The following DEPDC5 variants were observed in gnomAD, a reference collection of about 807,000 sequenced individuals.
DEPDC5 encodes DEP domain containing 5, GATOR1 subcomplex subunit.
Under a neutral mutation model 217.3 loss-of-function variants are expected in DEPDC5, and 73 were observed. That is an observed-to-expected ratio of 0.34 (90% confidence interval 0.28 to 0.41). The LOEUF (loss-of-function observed/expected upper bound fraction) is 0.41. Ranked by LOEUF, DEPDC5 falls within the 10% of genes least tolerant of loss-of-function variation. The pLI is 1.00. For missense variants in DEPDC5, 1,675 were observed against 2,070.1 expected (o/e 0.81, Z 3.70); for synonymous variants, 733 against 756.7 (o/e 0.97, Z 0.51).
At chr22:31,841,260 G>A (rs934069472) in intron 27 of DEPDC5, among the ~76,000 whole-genome samples, 3 of 152,222 alleles carry the variant, frequency 2.0e-5, no homozygotes, top group African/African-American at 7.2e-5. Context: ...CACCATCGGG[G>A]AAATTTCCAC....
intron 29 of DEPDC5, 71 bp downstream of exon 29, chr22:31,843,883 TTC>T: frequency 1.4e-6 from 2 of 1,432,690 alleles, no homozygotes; most frequent in Non-Finnish European, 1.9e-6. Flanking sequence ...TTTTAACACT[TTC>T]TGCCCTTTCT....
intron 22 of DEPDC5, 72 bp downstream of exon 22, chr22:31,819,297 T>C: frequency 2.6e-6 from 4 of 1,545,946 alleles, no homozygotes; most frequent in Non-Finnish European, 3.5e-6. Flanking sequence ...CGGTCACCCA[T>C]GTGTCCTTGG....
At chr22:31,771,813 AAT>A (rs1163106791) in intron 7 of DEPDC5, among the ~76,000 whole-genome samples, 2 of 148,742 alleles carry the variant, frequency 1.3e-5, no homozygotes, top group Non-Finnish European at 3.0e-5. Context: ...TCATGCCTCT[AAT>A]CCCAGCACTT....
rs533494963 is a variant in DEPDC5, at chr22:31,848,856, A to C, written c.3155+1889A>C. On this transcript the variant is annotated intron_variant, in intron 31 of 42. Transcript: ENST00000651528. The stretch of plus-strand genomic sequence containing the variant: ...CCTCTTGAACACTTTGCCACTTAGA[A>C]ATTTCTTCCGCCAGATACCCTAAAT... 2.6e-5 allele frequency among the ~76,000 whole-genome samples: 4 copies of C among 152,170 alleles called. No homozygotes were observed. The East Asian group carries it at 7.7e-4, about 29-fold the overall frequency.
intron 32 of DEPDC5, chr22:31,859,087 T>TG (rs1229003712): frequency 7.6e-6 from 1 of 131,392 alleles, no homozygotes; most frequent in Non-Finnish European, 1.6e-5. Context: ...TTGTTTTTTT[T>TG]TTTTTTTTTT....
intron 3 of DEPDC5, among the ~76,000 whole-genome samples, chr22:31,760,229 G>A (rs1601595767): frequency 1.3e-5 from 2 of 151,860 alleles, no homozygotes; most frequent in African/African-American, 4.8e-5. Flanking sequence ...CACTATGCCC[G>A]GCTAATTTTT....
intron 20 of DEPDC5, 51 bp from the exon 21 acceptor site, chr22:31,814,941 G>A (rs191165794): frequency 4.5e-4 from 716 of 1,601,176 alleles, no homozygotes; most frequent in Middle Eastern, 7.7e-4. Flanking sequence ...TTAACTCAAG[G>A]TAGGACAGCA....
intron 4 of DEPDC5, among the ~76,000 whole-genome samples, chr22:31,763,378 A>G (rs1601621533): frequency 6.7e-6 from 1 of 149,122 alleles, no homozygotes; most frequent in Non-Finnish European, 1.5e-5. Context: ...GCCTGCCTCA[A>G]CCTCCCAAAG....
At chr22:31,784,100 T>C in intron 9 of DEPDC5, 115 bp downstream of exon 9, 2 of 789,948 alleles carry the variant, frequency 2.5e-6, no homozygotes, top group Non-Finnish European at 4.1e-6. Flanking sequence ...ACTTTAAATA[T>C]CATTGTGAGA....
intron 38 of DEPDC5, among the ~76,000 whole-genome samples, chr22:31,893,144 G>A (rs113803207): frequency 2.0e-5 from 3 of 152,114 alleles, no homozygotes; most frequent in African/African-American, 7.2e-5. Context: ...AAAGTGCTGG[G>A]ATTACACACG....
intron 4 of DEPDC5, among the ~76,000 whole-genome samples, chr22:31,763,400 CAGGCGTG>C (rs1294866653): frequency 4.6e-5 from 7 of 151,554 alleles, no homozygotes; most frequent in African/African-American, 1.5e-4. Context: ...CCTGGGATTA[CAGGCGTG>C]AGCCACTGCA....
chr22:31,833,838 C>T, intron 24 of DEPDC5, 77 bp from the exon 25 acceptor site: 28 of 1,317,960 alleles, frequency 2.1e-5, no homozygotes, highest in Non-Finnish European at 2.9e-5. Flanking sequence ...TCCAGTTTGC[C>T]TTTTTCAACC....
At chr22:31,805,251 A>G (rs181265478) in intron 17 of DEPDC5, 41 of 164,396 alleles carry the variant, frequency 2.5e-4, no homozygotes, top group South Asian at 1.1e-3. Flanking sequence ...GCCTCTTTAC[A>G]TGGAATCCTG....
Position 31,805,022 on chromosome 22 carries a change from A to C in DEPDC5, c.1217+107A>C. ...TTATTATGGCACTAAACCTTTTGTT[A>C]AGAAAATGTGGAAACCAAGTTCTAA... On this transcript the variant is annotated intron_variant, in intron 17 of 42. Transcript: ENST00000651528. 3 of 1,125,930 alleles carry C rather than the reference A, an allele frequency of 2.7e-6. No homozygotes were observed. In the East Asian group the frequency reaches 7.4e-5, roughly 28 times the overall value. 69.7% of individuals were successfully genotyped at this position (1,125,930 alleles called of 1,614,324 possible).
intron 12 of DEPDC5, among the ~76,000 whole-genome samples, chr22:31,796,727 C>T (rs983426981): frequency 6.6e-5 from 10 of 151,614 alleles, no homozygotes; most frequent in Admixed American, 6.6e-5. Flanking sequence ...GATGGAGTCT[C>T]GCTCTTTCTC....
At chr22:31,901,683 C>CAG in intron 40 of DEPDC5, 59 bp from the exon 41 acceptor site, 2 of 1,469,462 alleles carry the variant, frequency 1.4e-6, no homozygotes, top group Non-Finnish European at 1.9e-6. Flanking sequence ...AAGACTGGCC[C>CAG]AGAGAGAATT....
Position 31,906,589 on chromosome 22 carries a change from G to A in DEPDC5, c.*92G>A. ...TCCAGGCAGGCTCTAGGAGTCAGGTGTCCGTTTGCTGCTATCAGTGAGTGG... is the reference window on the plus strand; with the variant it reads ...TCCAGGCAGGCTCTAGGAGTCAGGTATCCGTTTGCTGCTATCAGTGAGTGG... On this transcript the variant is annotated 3_prime_UTR_variant, in exon 43 of 43. Transcript: ENST00000651528. This position sits in a 1 kb window ranked among gnomAD's most constrained non-coding sequence, Gnocchi z 5.1. 3 of 1,488,290 alleles carry A rather than the reference G, an allele frequency of 2.0e-6. No homozygotes were observed. The highest frequency in any genetic ancestry group is 1.2e-5 in the South Asian group (1 of 80,050). 92.2% of individuals were successfully genotyped at this position (1,488,290 alleles called of 1,614,324 possible).
At chr22:31,905,559 A>T (rs555752710) in intron 41 of DEPDC5, among the ~76,000 whole-genome samples, 237 of 152,088 alleles carry the variant, frequency 1.6e-3, no homozygotes, top group African/African-American at 4.3e-3. Flanking sequence ...CTGTCAAGAC[A>T]TGAGGTAGAT....
intron 11 of DEPDC5, 65 bp from the exon 12 acceptor site, chr22:31,792,680 G>A (rs1046125713): frequency 7.8e-5 from 90 of 1,149,688 alleles, no homozygotes; most frequent in Non-Finnish European, 1.1e-4. Context: ...ACCCAGAAGA[G>A]GAAGCTGACA....
Sources: gnomAD v4.1 joint callset for allele counts (sites outside exome capture counted in the v4.1 genomes callset) on GRCh38, gnomAD v4.1.1 for gene constraint, Gnocchi (gnomAD v3.1) non-coding constraint, MANE v1.5 for transcripts, NCBI Gene and HGNC (gene_info 2026-07-23, HGNC 2026-07-21) for gene names.